Variants in LRRTM3 observed in about 807,000 individuals in gnomAD.
LRRTM3 encodes leucine rich repeat transmembrane neuronal 3, also known as leucine-rich repeat transmembrane neuronal protein 3.
LRRTM3 carries 24 observed loss-of-function variants against 44.7 expected under a neutral mutation model. That is an observed-to-expected ratio of 0.54 (90% CI 0.39 to 0.76). LRRTM3 has a LOEUF of 0.76. Ranked by LOEUF, LRRTM3 falls within the 30% of genes least tolerant of loss-of-function variation. The pLI is 0.00. For synonymous variants in LRRTM3, 277 were observed against 278.7 expected, an observed-to-expected ratio of 0.99 and a Z score of 0.06; for missense variants, 587 against 702.2, an observed-to-expected ratio of 0.84 and a Z score of 1.85.
chr10:67,013,770 T>C (rs778063281), intron 2 of LRRTM3, among the ~76,000 whole-genome samples: 53 of 152,290 alleles, frequency 3.5e-4, no homozygotes, highest in Middle Eastern at 6.8e-3. Context: ...TGTAATATCC[T>C]GGAAGTTTTT....
At chr10:66,942,433 C>T (rs1848045818) in intron 2 of LRRTM3, among the ~76,000 whole-genome samples, 1 of 152,108 alleles carries the variant, frequency 6.6e-6, no homozygotes, top group Non-Finnish European at 1.5e-5. Flanking sequence ...CAGAAAAATT[C>T]TGTTGTTAGT....
chr10:67,063,860 C>T (rs927580210), intron 2 of LRRTM3, among the ~76,000 whole-genome samples: 3 of 152,144 alleles, frequency 2.0e-5, no homozygotes, highest in Non-Finnish European at 4.4e-5. Context: ...AAGGATGATG[C>T]TAGCAATCAA....
At chr10:67,026,811 T>C (rs1374345302) in intron 2 of LRRTM3, among the ~76,000 whole-genome samples, 1 of 152,160 alleles carries the variant, frequency 6.6e-6, no homozygotes, top group African/African-American at 2.4e-5. Flanking sequence ...AACAAACTCT[T>C]CTCATGTGTT....
chr10:66,926,329 G>T lies in LRRTM3; in HGVS notation c.-255G>T. On this transcript the variant is annotated 5_prime_UTR_variant, in exon 1 of 3. It removes an upstream start codon present in the reference 5' UTR. Coordinates refer to ENST00000361320, the MANE Select transcript of LRRTM3 (RefSeq NM_178011.5). ...AAAGATGCAAAAACGTAATATCCAT[G>T]AAGATCCTATTACCTAGGAAGATTT... is the stretch of plus-strand genomic sequence containing the variant. 1 of 585,548 alleles carries T rather than the reference G, an allele frequency of 1.7e-6. No individual in the cohort carries two copies. 36.3% of individuals were successfully genotyped at this position (585,548 alleles called of 1,614,324 possible). A position where few individuals can be genotyped will look rare whatever the true frequency, so the allele number is the denominator to read the frequency against.
At chr10:67,000,399 A>G (rs763618341) in intron 2 of LRRTM3, among the ~76,000 whole-genome samples, 8 of 152,200 alleles carry the variant, frequency 5.3e-5, no homozygotes, top group Admixed American at 1.3e-4. Flanking sequence ...GGTTAAATGC[A>G]GGAGAAATGA....
chr10:66,936,810 G>T (rs545953687), intron 2 of LRRTM3, among the ~76,000 whole-genome samples: 2 of 152,210 alleles, frequency 1.3e-5, no homozygotes, highest in East Asian at 3.9e-4. Context: ...TCAAATATCT[G>T]CTCCCAGAGT....
chr10:67,100,845 T>C lies in LRRTM3; in HGVS notation c.*3049T>C, dbSNP rs1353477433. On this transcript the variant is annotated 3_prime_UTR_variant, in exon 3 of 3. Transcript: ENST00000361320. ...CCCAAAACACAGGGCCAATAATTGG[T>C]GCAGTTGAATTATTCTCAAAATTTA... 6.6e-6 allele frequency among the ~76,000 whole-genome samples: 1 copy of C among 151,724 alleles called. No individual in the cohort carries two copies. The highest frequency in any genetic ancestry group is 6.6e-5 in the Admixed American group (1 of 15,174).
At chr10:67,007,206 G>A (rs958876513) in intron 2 of LRRTM3, among the ~76,000 whole-genome samples, 1 of 152,150 alleles carries the variant, frequency 6.6e-6, no homozygotes, top group African/African-American at 2.4e-5. Context: ...AAATTCTTGG[G>A]TGTCAGTTCC....
intron 2 of LRRTM3, among the ~76,000 whole-genome samples, chr10:67,047,047 C>T (rs966322272): frequency 6.6e-6 from 1 of 152,184 alleles, no homozygotes; most frequent in African/African-American, 2.4e-5. Flanking sequence ...GGAGCACTGC[C>T]TGTATCTGAT....
chr10:67,090,216 T>C (rs1857548699), intron 2 of LRRTM3, among the ~76,000 whole-genome samples: 1 of 152,084 alleles, frequency 6.6e-6, no homozygotes, highest in Non-Finnish European at 1.5e-5. Context: ...CTCTTCTTTC[T>C]ATGCCTTGTA....
intron 2 of LRRTM3, among the ~76,000 whole-genome samples, chr10:66,983,596 A>T (rs1850568053): frequency 6.6e-6 from 1 of 152,008 alleles, no homozygotes; most frequent in South Asian, 2.1e-4. Context: ...TTTGTACAAC[A>T]TCAAACATAA....
intron 2 of LRRTM3, among the ~76,000 whole-genome samples, chr10:67,072,347 T>C (rs1291130134): frequency 1.3e-5 from 2 of 152,234 alleles, no homozygotes; most frequent in African/African-American, 2.4e-5. Context: ...GCCAGTTACC[T>C]GTAATATCTG....
At chr10:66,983,739 C>CA (rs1447953489) in intron 2 of LRRTM3, among the ~76,000 whole-genome samples, 1 of 152,150 alleles carries the variant, frequency 6.6e-6, no homozygotes, top group African/African-American at 2.4e-5. Context: ...TCCCATGATA[C>CA]AGTTTTTAGG....
chr10:67,005,682 CTTTTT>C (rs11369576), intron 2 of LRRTM3, among the ~76,000 whole-genome samples: 5,161 of 62,052 alleles, frequency 0.083, 382 homozygotes, highest in Middle Eastern at 0.25. Context: ...TTTACTCCAT[CTTTTT>C]TTTTTTTTTT....
chr10:66,991,721 A>T (rs1851049343), intron 2 of LRRTM3, among the ~76,000 whole-genome samples: 1 of 152,134 alleles, frequency 6.6e-6, no homozygotes, highest in Non-Finnish European at 1.5e-5. Context: ...AAAATATTTT[A>T]TTCATCATTA....
chr10:67,097,533 C>T (rs1329371807), intron 2 of LRRTM3, 54 bp from the exon 3 acceptor site: 6 of 1,506,876 alleles, frequency 4.0e-6, no homozygotes, highest in Non-Finnish European at 5.5e-6. Context: ...AAATCTTTCC[C>T]CTAAAGTTGT....
intron 2 of LRRTM3, among the ~76,000 whole-genome samples, chr10:67,095,974 G>A (rs148541936): frequency 0.016 from 2,434 of 151,470 alleles, 73 homozygotes; most frequent in African/African-American, 0.056. Flanking sequence ...TTTTCTTTAC[G>A]ATCTTTCAGT....
At chr10:67,011,482 A>G (rs1852335148) in intron 2 of LRRTM3, among the ~76,000 whole-genome samples, 1 of 152,200 alleles carries the variant, frequency 6.6e-6, no homozygotes, top group South Asian at 2.1e-4. Flanking sequence ...AAAGTGCTTT[A>G]CAGTGCTGCA....
chr10:66,973,057 C>A (rs933232202), intron 2 of LRRTM3, among the ~76,000 whole-genome samples: 3 of 152,150 alleles, frequency 2.0e-5, no homozygotes, highest in Non-Finnish European at 4.4e-5. Context: ...TAGTAATACA[C>A]TTGAGGAGGG....
Sources: gnomAD v4.1 joint callset for allele counts (sites outside exome capture counted in the v4.1 genomes callset) on GRCh38, gnomAD v4.1.1 for gene constraint, MANE v1.5 for transcripts, NCBI Gene and HGNC (gene_info 2026-07-23, HGNC 2026-07-21) for gene names.